Variants in CNTNAP2 observed in about 807,000 individuals in gnomAD.
CNTNAP2 encodes contactin-associated protein-like 2.
CNTNAP2 carries 98 observed loss-of-function variants against 155.2 expected under a neutral mutation model. That is an observed-to-expected ratio of 0.63 (90% CI 0.54 to 0.75). The LOEUF (loss-of-function observed/expected upper bound fraction) is 0.75, where lower values mean the gene tolerates loss of function less well. Ranked by LOEUF, CNTNAP2 falls within the 30% of genes least tolerant of loss-of-function variation. The probability of loss-of-function intolerance (pLI) is 0.00; values close to 1 mark genes in which losing one functional copy is unlikely to be tolerated. For missense variants in CNTNAP2, 1,727 were observed against 1,688.1 expected, an observed-to-expected ratio of 1.02 and a Z score of -0.40; for synonymous variants, 651 against 631.2, an observed-to-expected ratio of 1.03 and a Z score of -0.47.
At chr7:148,164,489 C>T (rs1805611260) in intron 17 of CNTNAP2, among the ~76,000 whole-genome samples, 1 of 152,160 alleles carries the variant, frequency 6.6e-6, no homozygotes, top group South Asian at 2.1e-4. Flanking sequence ...TCACTCACAC[C>T]ATTCCAGTGG....
chr7:147,672,392 G>T (rs1331894775), intron 13 of CNTNAP2: 1 of 152,082 alleles, frequency 6.6e-6, no homozygotes, highest in Non-Finnish European at 1.5e-5. Context: ...AATATTAGAG[G>T]CTTTTGTGCT....
chr7:147,049,478 C>G (rs1296265613), intron 4 of CNTNAP2, among the ~76,000 whole-genome samples: 1 of 152,064 alleles, frequency 6.6e-6, no homozygotes, highest in Admixed American at 6.6e-5. Flanking sequence ...GCTTAGTGAA[C>G]TGTTGTCTCA....
At chr7:147,834,768 T>C (rs994735529) in intron 13 of CNTNAP2, among the ~76,000 whole-genome samples, 56 of 152,224 alleles carry the variant, frequency 3.7e-4, no homozygotes, top group Admixed American at 1.2e-3. Flanking sequence ...ACAGTGGACG[T>C]CATTTATGTC....
intron 4 of CNTNAP2, among the ~76,000 whole-genome samples, chr7:147,070,152 T>A (rs1799862347): frequency 6.6e-6 from 1 of 152,222 alleles, no homozygotes; most frequent in Admixed American, 6.5e-5. Flanking sequence ...GCTTTTTACA[T>A]ATTGCAATTT....
chr7:146,548,556 T>C (rs981922374), intron 1 of CNTNAP2, among the ~76,000 whole-genome samples: 1 of 152,034 alleles, frequency 6.6e-6, no homozygotes, highest in Admixed American at 6.6e-5. Context: ...TGGTGTCTCA[T>C]TGTGGTTTTG....
At chr7:146,874,514 A>C (rs1326097239) in intron 3 of CNTNAP2, among the ~76,000 whole-genome samples, 1 of 151,818 alleles carries the variant, frequency 6.6e-6, no homozygotes, top group African/African-American at 2.4e-5. Context: ...TAATTTTTGC[A>C]TTTTTGTAGA....
Position 147,207,725 on chromosome 7 carries a change from T to C in CNTNAP2, c.1348+75216T>C, listed in dbSNP as rs193088360. ...TAAAATATTACATTGTCCAGTGATA[T>C]TGTCATGTATTCTAGTTGTAGTTAC... On this transcript the variant is annotated intron_variant, in intron 8 of 23. Coordinates refer to ENST00000361727, the MANE Select transcript of CNTNAP2 (RefSeq NM_014141.6). Among the ~76,000 whole-genome samples the C allele has an allele frequency of 2.3e-4, 35 of 152,286 alleles. 1 individual carries two copies. Among genetic ancestry groups the C allele is most frequent in the Non-Finnish European group, 1.6e-4 (11 of 68,000 alleles).
chr7:146,770,207 A>G (rs1802267897), intron 1 of CNTNAP2, among the ~76,000 whole-genome samples: 1 of 151,754 alleles, frequency 6.6e-6, no homozygotes, highest in South Asian at 2.1e-4. Flanking sequence ...GGATTCATTT[A>G]TTACTGCCAC....
chr7:146,644,930 G>C (rs1236888278), intron 1 of CNTNAP2, among the ~76,000 whole-genome samples: 1 of 152,076 alleles, frequency 6.6e-6, no homozygotes, highest in Non-Finnish European at 1.5e-5. Context: ...CATTCCTTCT[G>C]AAACTATTCC....
chr7:147,149,285 TGCTGATTGGTGTGTTTTTACAGAGC>T (rs1467176330), intron 8 of CNTNAP2, among the ~76,000 whole-genome samples: 1 of 151,944 alleles, frequency 6.6e-6, no homozygotes, highest in African/African-American at 2.4e-5. Context: ...AGACACAGAG[TGCTGATTGGTGTGTTTTTACAGAGC>T]GCTGATTGGT....
chr7:148,295,624 T>C (rs1051831704), intron 21 of CNTNAP2, among the ~76,000 whole-genome samples: 6 of 136,106 alleles, frequency 4.4e-5, no homozygotes, highest in African/African-American at 1.7e-4. Context: ...CCCGAGTAGC[T>C]GGGACTACCG....
At chr7:147,087,746 G>A (rs1413914712) in intron 4 of CNTNAP2, among the ~76,000 whole-genome samples, 1 of 152,264 alleles carries the variant, frequency 6.6e-6, no homozygotes, top group East Asian at 1.9e-4. Flanking sequence ...GGAGGCCAAG[G>A]TAGGTGGATC....
chr7:146,608,083 T>A (rs9691874), intron 1 of CNTNAP2, among the ~76,000 whole-genome samples: 2 of 152,000 alleles, frequency 1.3e-5, no homozygotes, highest in Non-Finnish European at 2.9e-5. Flanking sequence ...GGAGCTAAAC[T>A]TCATGTTCTC....
intron 8 of CNTNAP2, among the ~76,000 whole-genome samples, chr7:147,170,617 G>A (rs7782734): frequency 0.97 from 147,109 of 152,116 alleles, 71,165 homozygotes; most frequent in East Asian, 1. Flanking sequence ...CCGAGCACAG[G>A]TACCAGCTCA....
chr7:146,932,993 G>A (rs374701022), intron 3 of CNTNAP2, among the ~76,000 whole-genome samples: 93 of 152,152 alleles, frequency 6.1e-4, no homozygotes, highest in African/African-American at 1.6e-3. Context: ...AATCAATATC[G>A]TGAAAATGGC....
At chr7:147,152,684 T>G (rs183296589) in intron 8 of CNTNAP2, among the ~76,000 whole-genome samples, 3 of 152,268 alleles carry the variant, frequency 2.0e-5, no homozygotes, top group African/African-American at 7.2e-5. Flanking sequence ...AAAACATTAT[T>G]AGATTTGATG....
intron 13 of CNTNAP2, among the ~76,000 whole-genome samples, chr7:147,729,651 C>A (rs756273245): frequency 7.2e-5 from 11 of 151,978 alleles, no homozygotes; most frequent in Admixed American, 2.0e-4. Context: ...CTGTGTGAGA[C>A]ATGGAAGCTT....
chr7:146,252,370 T>C (rs908839338), intron 1 of CNTNAP2, among the ~76,000 whole-genome samples: 2 of 152,184 alleles, frequency 1.3e-5, no homozygotes, highest in African/African-American at 4.8e-5. Context: ...ATTCAGCAAC[T>C]TTCCAGTTTC....
In CNTNAP2 at chr7:147,004,083, C is replaced by G. The variant is rs143274753; in HGVS notation, c.403-39824C>G. On this transcript the variant is annotated intron_variant, in intron 3 of 23. Coordinates refer to ENST00000361727, the MANE Select transcript of CNTNAP2 (RefSeq NM_014141.6). ...TTTGCTTGTTAATTAGGTACAATAA[C>G]AATACATTCAAAATAAGAATATATT... 3.3e-3 allele frequency among the ~76,000 whole-genome samples: 500 copies of G among 151,210 alleles called. 1 individual carries two copies. Among genetic ancestry groups the G allele is most frequent in the African/African-American group, 0.011 (473 of 41,216 alleles).
Sources: gnomAD v4.1 joint callset for allele counts (sites outside exome capture counted in the v4.1 genomes callset) on GRCh38, gnomAD v4.1.1 for gene constraint, MANE v1.5 for transcripts, NCBI Gene and HGNC (gene_info 2026-07-23, HGNC 2026-07-21) for gene names.